The following PCNA variants were observed in gnomAD, a reference collection of about 807,000 sequenced individuals.
The protein encoded by PCNA is proliferating cell nuclear antigen, also known as DNA sliding clamp PCNA.
Under a neutral mutation model 27.8 loss-of-function variants are expected in PCNA, and 4 were observed. The ratio of observed to expected loss-of-function variants is 0.14; its 90% CI spans 0.07 to 0.33. The LOEUF (loss-of-function observed/expected upper bound fraction) is 0.33. PCNA is among the 10% of genes least tolerant of loss of function. The pLI, the probability that PCNA is intolerant of heterozygous loss-of-function variation, is 1.00. For synonymous variants in PCNA, 121 were observed against 119.4 expected, an observed-to-expected ratio of 1.01 and a Z score of -0.09; for missense variants, 165 against 327.4, an observed-to-expected ratio of 0.50 and a Z score of 3.83.
At position 5,115,592 on chromosome 20, in the gene PCNA, T is replaced by C. The variant is rs773623752; in HGVS notation, c.583-20A>G. On this transcript the variant is annotated intron_variant, in intron 4 of 5. Transcript: ENST00000379143. ...GGTAACCTACAAAACAAAAGATTCA[T>C]CATTGAAAAACATCAAGAAAGTTGC... is the stretch of plus-strand genomic sequence containing the variant. The C allele has an allele frequency of 6.2e-7, 1 of 1,606,702 alleles. No individual in the cohort carries two copies. The highest frequency in any genetic ancestry group is 1.1e-5 in the South Asian group (1 of 90,006).
At chr20:5,122,037 A>G (rs1273703435), upstream of PCNA, among the ~76,000 whole-genome samples, 1 of 145,312 alleles carries the variant, frequency 6.9e-6, no homozygotes. Context: ...GCTGGAGTGC[A>G]GTGGTGTGAT....
chr20:5,122,158 T>G (rs1190554898), upstream of PCNA, among the ~76,000 whole-genome samples: 3 of 152,122 alleles, frequency 2.0e-5, no homozygotes, highest in African/African-American at 4.8e-5. Flanking sequence ...ATTTTTGTAT[T>G]TTTAGTAGAG....
upstream of PCNA, among the ~76,000 whole-genome samples, chr20:5,124,304 A>G (rs1041556269): frequency 2.6e-5 from 4 of 152,170 alleles, no homozygotes; most frequent in African/African-American, 7.2e-5. Flanking sequence ...TTCCTACAGA[A>G]GAAATCAGGG....
chr20:5,119,922 G>C lies in PCNA; in HGVS notation c.-124C>G, dbSNP rs947315972. On this transcript the variant is annotated 5_prime_UTR_variant, in exon 1 of 6. Coordinates refer to ENST00000379143, the MANE Select transcript of PCNA (RefSeq NM_182649.2). Reference sequence around the variant, plus strand: ...GCGACGACCGGCTGAGACCTAGAAAGACAACGACCACTCTGCTACGCCTGC... The same window carrying C: ...GCGACGACCGGCTGAGACCTAGAAACACAACGACCACTCTGCTACGCCTGC... 2.2e-5 allele frequency: 16 copies of C among 720,018 alleles called. No homozygotes were observed. The highest frequency in any genetic ancestry group is 3.5e-5 in the Non-Finnish European group (15 of 425,808). 44.6% of individuals were successfully genotyped at this position (720,018 alleles called of 1,614,324 possible). A position where few individuals can be genotyped will look rare whatever the true frequency, so the allele number is the denominator to read the frequency against.
In PCNA at chr20:5,119,914, C is replaced by T. The variant is rs891615221; in HGVS notation, c.-116G>A. ...CGAACGTCGCGACGACCGGCTGAGA[C>T]CTAGAAAGACAACGACCACTCTGCT... On this transcript the variant is annotated 5_prime_UTR_variant, in exon 1 of 6. Coordinates refer to ENST00000379143, the MANE Select transcript of PCNA (RefSeq NM_182649.2). 1 of 758,356 alleles carries T rather than the reference C, an allele frequency of 1.3e-6. No homozygotes were observed. The highest frequency in any genetic ancestry group is 2.2e-6 in the Non-Finnish European group (1 of 458,492). The allele number at this position is 758,356 out of a possible 1,614,324, so 47.0% of individuals were successfully genotyped here.
At chr20:5,118,531 G>C in intron 3 of PCNA, 79 bp downstream of exon 3, 2 of 1,070,136 alleles carry the variant, frequency 1.9e-6, no homozygotes, top group Non-Finnish European at 2.8e-6. Flanking sequence ...GACCCTGTCT[G>C]TAAAAATAAA....
chr20:5,124,668 A>T (rs1416587789), upstream of PCNA, among the ~76,000 whole-genome samples: 1 of 151,926 alleles, frequency 6.6e-6, no homozygotes, highest in Non-Finnish European at 1.5e-5. Flanking sequence ...AAAACAAAAA[A>T]CGAAAAGAGA....
At chr20:5,119,510 A>C (rs995988226) in intron 1 of PCNA, 68 bp downstream of exon 1, 1 of 1,332,892 alleles carries the variant, frequency 7.5e-7, no homozygotes, top group Non-Finnish European at 1.0e-6. Context: ...CTAGGCTCGA[A>C]AGCGCTCCCG....
intron 4 of PCNA, among the ~76,000 whole-genome samples, chr20:5,116,439 C>T (rs185454043): frequency 2.0e-5 from 3 of 151,932 alleles, no homozygotes; most frequent in Non-Finnish European, 1.5e-5. Flanking sequence ...TAAAAAAAAA[C>T]CTTTCAACTG....
upstream of PCNA, among the ~76,000 whole-genome samples, chr20:5,124,636 AAAAC>A (rs1292603532): frequency 6.6e-6 from 1 of 152,058 alleles, no homozygotes; most frequent in Non-Finnish European, 1.5e-5. Context: ...CTAAAAAAAA[AAAAC>A]AAAAAACAAA....
chr20:5,125,446 A>G (rs572073329), intron 1 of PCNA, among the ~76,000 whole-genome samples: 6 of 152,174 alleles, frequency 3.9e-5, no homozygotes, highest in Admixed American at 2.0e-4. Flanking sequence ...ACATAGTGAG[A>G]CCCTGTCTCT....
intron 1 of PCNA, 138 bp from the exon 2 acceptor site, chr20:5,119,004 G>A: frequency 1.6e-6 from 1 of 638,164 alleles, no homozygotes; most frequent in Non-Finnish European, 2.8e-6. Context: ...ACTGCTGGAG[G>A]ATGCCATTAT....
upstream of PCNA, among the ~76,000 whole-genome samples, chr20:5,122,622 C>T (rs1479069426): frequency 6.6e-6 from 1 of 152,186 alleles, no homozygotes; most frequent in Admixed American, 6.5e-5. Flanking sequence ...AATACAGCAT[C>T]ATCTGTTTGT....
upstream of PCNA, chr20:5,121,385 CCTTTT>C (rs1191736373): frequency 1.7e-5 from 2 of 116,904 alleles, no homozygotes; most frequent in African/African-American, 3.6e-5. Flanking sequence ...GCCTTTCTTT[CCTTTT>C]TTTTTTTTTT....
intron 3 of PCNA, among the ~76,000 whole-genome samples, chr20:5,117,893 G>A (rs957587568): frequency 6.6e-6 from 1 of 152,246 alleles, no homozygotes; most frequent in Non-Finnish European, 1.5e-5. Context: ...CAGGGATAAA[G>A]TAAGAGAACA....
At chr20:5,125,869 C>T (rs1165985478) in intron 1 of PCNA, among the ~76,000 whole-genome samples, 1 of 152,136 alleles carries the variant, frequency 6.6e-6, no homozygotes, top group Non-Finnish European at 1.5e-5. Flanking sequence ...ATAGAGGATG[C>T]ACAGTAAACA....
At chr20:5,121,352 A>C (rs998322988), upstream of PCNA, 15 of 139,004 alleles carry the variant, frequency 1.1e-4, no homozygotes, top group African/African-American at 4.0e-4. Flanking sequence ...TCCTCTCCTT[A>C]GTCTATTCTT....
At chr20:5,119,338 T>C (rs1037677936) in intron 1 of PCNA, among the ~76,000 whole-genome samples, 1 of 152,170 alleles carries the variant, frequency 6.6e-6, no homozygotes, top group African/African-American at 2.4e-5. Flanking sequence ...GGAAAAACCC[T>C]TGATTTTCCC....
chr20:5,115,593 CATTGAAAAACATCAA>C, intron 4 of PCNA, 21 bp from the exon 5 acceptor site: 1 of 1,602,126 alleles, frequency 6.2e-7, no homozygotes, highest in Non-Finnish European at 8.5e-7. Context: ...AAAGATTCAT[CATTGAAAAACATCAA>C]GAAAGTTGCA....
Sources: gnomAD v4.1 joint callset for allele counts (sites outside exome capture counted in the v4.1 genomes callset) on GRCh38, gnomAD v4.1.1 for gene constraint, MANE v1.5 for transcripts, NCBI Gene and HGNC (gene_info 2026-07-23, HGNC 2026-07-21) for gene names.